The following ADGRB1 variants were observed in gnomAD, a reference collection of about 807,000 sequenced individuals.
ADGRB1 encodes the protein adhesion G protein-coupled receptor B1.
ADGRB1 carries 36 observed loss-of-function variants against 175.7 expected under a neutral mutation model. That is an observed-to-expected ratio of 0.20 (90% CI 0.16 to 0.27). The LOEUF (loss-of-function observed/expected upper bound fraction) is 0.27. Ranked by LOEUF, ADGRB1 falls within the 10% of genes least tolerant of loss-of-function variation. The pLI is 1.00. For missense variants in ADGRB1, 1,731 were observed against 2,255.3 expected (o/e 0.77, Z 4.71); for synonymous variants, 1,054 against 979.4 (o/e 1.08, Z -1.42).
chr8:142,454,668 C>T (rs1839554731), intron 1 of ADGRB1, among the ~76,000 whole-genome samples: 1 of 152,154 alleles, frequency 6.6e-6, no homozygotes, highest in South Asian at 2.1e-4. Flanking sequence ...CCAGCGCCTC[C>T]TTTCCTCATC....
rs564765288 is a variant in ADGRB1 at position 142,526,762 on chromosome 8, G to A, written c.3398+135G>A. ...AGGGACCCCGGAGCGGGTGGGAAACGGAGGCACTGAGTACAGAGGCCCCTT... is the reference window on the plus strand; with the variant it reads ...AGGGACCCCGGAGCGGGTGGGAAACAGAGGCACTGAGTACAGAGGCCCCTT... On this transcript the variant is annotated intron_variant, in intron 24 of 30. Transcript: ENST00000517894. 5.7e-5 allele frequency: 50 copies of A among 878,060 alleles called. No homozygotes were observed. The East Asian group carries it at 1.1e-3, about 19-fold the overall frequency. The allele number at this position is 878,060 out of a possible 1,614,324, so 54.4% of individuals were successfully genotyped here. A position where few individuals can be genotyped will look rare whatever the true frequency, so the allele number is the denominator to read the frequency against.
Position 142,511,288 on chromosome 8 carries a change from G to A in ADGRB1, c.2817+215G>A, listed in dbSNP as rs974521862. On this transcript the variant is annotated intron_variant, in intron 18 of 30. Transcript: ENST00000517894. The surrounding 1 kb of genome is among the most constrained non-coding windows in gnomAD (Gnocchi z 4.5). ...CGGGTGGCAGTGTGGAGTTGGAGAC[G>A]GGCCTGGGAGGAGTCGGGACCCCCG... is the stretch of plus-strand genomic sequence containing the variant. Among the ~76,000 whole-genome samples, 8 of 152,116 alleles carry A rather than the reference G, an allele frequency of 5.3e-5. No individual in the cohort carries two copies. The highest frequency in any genetic ancestry group is 2.1e-4 in the South Asian group (1 of 4,826).
intron 17 of ADGRB1, among the ~76,000 whole-genome samples, chr8:142,505,358 C>T (rs1315328198): frequency 6.6e-6 from 1 of 152,202 alleles, no homozygotes; most frequent in Non-Finnish European, 1.5e-5. Context: ...CTACCTGCCC[C>T]GGACTCAGTG....
Position 142,477,224 on chromosome 8 carries a change from T to G in ADGRB1, c.1168T>G (p.Cys390Gly). ...CGTGTCCTCCTCCTACAGCACGCAG[T>G]GCAGCGGACCCCTGCGCGAGCAGCG... ...FCVSSSYSTQ[C>G]SGPLREQRLC... Residue 390 changes from cysteine (C) to glycine (G), a missense_variant, in exon 5 of 31, where the codon TGC becomes GGC. Cys to Gly is a radical substitution (Grantham distance 159). Around this residue, in one of 8 missense-constraint regions of ADGRB1, gnomAD observed 178 missense variants for 227.8 expected, o/e 0.78. Transcript: ENST00000517894. The G allele has an allele frequency of 6.3e-7, 1 of 1,599,212 alleles. No individual in the cohort carries two copies. Among genetic ancestry groups the G allele is most frequent in the Non-Finnish European group, 8.5e-7 (1 of 1,176,882 alleles).
In ADGRB1 at chr8:142,504,980, G is replaced by C. The variant is rs758016383; in HGVS notation, c.2676-5952G>C. Reference sequence around the variant, plus strand: ...AGCCCATCAAATCCAAGGGGACCCCGACAGCGCACAGTCCCATAATAGCAC... The same window carrying C: ...AGCCCATCAAATCCAAGGGGACCCCCACAGCGCACAGTCCCATAATAGCAC... On this transcript the variant is annotated intron_variant, in intron 17 of 30. Coordinates refer to ENST00000517894, the MANE Select transcript of ADGRB1 (RefSeq NM_001702.3). The surrounding 1 kb of genome is among the most constrained non-coding windows in gnomAD (Gnocchi z 5.6). Among the ~76,000 whole-genome samples, 1 of 149,320 alleles carries C rather than the reference G, an allele frequency of 6.7e-6. No homozygotes were observed. The highest frequency in any genetic ancestry group is 2.5e-5 in the African/African-American group (1 of 40,620).
intron 1 of ADGRB1, among the ~76,000 whole-genome samples, chr8:142,456,293 A>C (rs1463420138): frequency 6.6e-6 from 1 of 152,044 alleles, no homozygotes; most frequent in African/African-American, 2.4e-5. Context: ...TGCAGACCCA[A>C]TGCTGGCAAC....
chr8:142,489,260 G>A (rs1285659929), intron 15 of ADGRB1, 76 bp from the exon 16 acceptor site: 11 of 1,571,718 alleles, frequency 7.0e-6, no homozygotes, highest in Non-Finnish European at 9.6e-6. Context: ...GGGGCCCTCG[G>A]GGGCACCTGG....
chr8:142,452,019 G>A, intron 1 of ADGRB1, among the ~76,000 whole-genome samples: 1 of 152,156 alleles, frequency 6.6e-6, no homozygotes, highest in South Asian at 2.1e-4. Flanking sequence ...GCACAGTCGG[G>A]GCCTTGGAAG....
chr8:142,498,733 C>G (rs1034780463), intron 17 of ADGRB1, among the ~76,000 whole-genome samples: 2 of 152,272 alleles, frequency 1.3e-5, no homozygotes, highest in South Asian at 2.1e-4. Flanking sequence ...TACCACTCCC[C>G]GCACACCTCC....
chr8:142,468,076 G>T (rs533776150), intron 2 of ADGRB1, among the ~76,000 whole-genome samples: 1 of 152,352 alleles, frequency 6.6e-6, no homozygotes, highest in East Asian at 1.9e-4. Flanking sequence ...ATTCATGCAA[G>T]TGTGTTGTGT....
At position 142,489,431 on chromosome 8, in the gene ADGRB1, T is replaced by C; in HGVS notation, c.2624T>C (p.Met875Thr). ...CCCTTGGAGATCGAGTTTGCCCACA[T>C]GTATAATGTGAGTGCCGTCCACGTG... Reference protein sequence around the residue: ...RTPLEIEFAHMYNGTTNQTCI... With the variant: ...RTPLEIEFAHTYNGTTNQTCI... The change falls in exon 16 of 31, where the codon ATG becomes ACG. Residue 875 changes from methionine to threonine, a missense_variant. Physicochemically the swap from Met to Thr is moderately conservative, Grantham distance 81. Transcript: ENST00000517894. 2 of 1,612,722 alleles carry C rather than the reference T, an allele frequency of 1.2e-6. No homozygotes were observed. Among genetic ancestry groups the C allele is most frequent in the South Asian group, 1.1e-5 (1 of 91,078 alleles).
Position 142,528,920 on chromosome 8 carries a change from C to T in ADGRB1, c.3398+2293C>T, listed in dbSNP as rs891092030. 3.4e-4 allele frequency among the ~76,000 whole-genome samples: 51 copies of T among 152,168 alleles called. 1 individual carries two copies. Among genetic ancestry groups the T allele is most frequent in the Admixed American group, 5.9e-4 (9 of 15,284 alleles). On this transcript the variant is annotated intron_variant, in intron 24 of 30. Transcript: ENST00000517894. ...TGGAGTGCAGCTGTGGGCTGCGCTGCGGTAGGGAAGGAGCGGTGGTCAGTC... is the reference window on the plus strand; with the variant it reads ...TGGAGTGCAGCTGTGGGCTGCGCTGTGGTAGGGAAGGAGCGGTGGTCAGTC...
At chr8:142,532,601 T>C (rs1190062790) in intron 24 of ADGRB1, among the ~76,000 whole-genome samples, 1 of 152,120 alleles carries the variant, frequency 6.6e-6, no homozygotes, top group South Asian at 2.1e-4. Flanking sequence ...CGTCTGTCTC[T>C]GTCTCTCCTC....
In ADGRB1 at chr8:142,518,036, G is replaced by A. The variant is rs1843546507; in HGVS notation, c.2818-102G>A. 6 of 1,095,538 alleles carry A rather than the reference G, an allele frequency of 5.5e-6. No individual in the cohort carries two copies. The Admixed American group carries it at 1.0e-4, about 18-fold the overall frequency. 67.9% of individuals were successfully genotyped at this position (1,095,538 alleles called of 1,614,324 possible). A position where few individuals can be genotyped will look rare whatever the true frequency, so the allele number is the denominator to read the frequency against. On this transcript the variant is annotated intron_variant, in intron 18 of 30. Transcript: ENST00000517894. ...AGGAGGGGCTGGGCCAAACGCTGGG[G>A]GTGTGACCCGGGGCTGCGGGCTCTC...
chr8:142,535,640 A>C (rs1290666838), intron 25 of ADGRB1, among the ~76,000 whole-genome samples: 1 of 152,152 alleles, frequency 6.6e-6, no homozygotes, highest in Non-Finnish European at 1.5e-5. Context: ...CAGGTGGGCA[A>C]GTCAGTCCCT....
At chr8:142,502,423 GTGGT>G (rs1563719082) in intron 17 of ADGRB1, among the ~76,000 whole-genome samples, 12 of 139,924 alleles carry the variant, frequency 8.6e-5, no homozygotes, top group South Asian at 2.5e-4. Context: ...GGTGGTGATG[GTGGT>G]GGTGGTGGTA....
chr8:142,525,331 T>C (rs1034611126), intron 23 of ADGRB1, among the ~76,000 whole-genome samples: 101 of 133,976 alleles, frequency 7.5e-4, no homozygotes, highest in African/African-American at 2.6e-3. Flanking sequence ...GGGATGGAGG[T>C]TGTGGGAAAG....
chr8:142,540,457 C>T (rs1175552980), intron 27 of ADGRB1, among the ~76,000 whole-genome samples: 3 of 139,066 alleles, frequency 2.2e-5, no homozygotes, highest in African/African-American at 8.1e-5. Flanking sequence ...GCTACAGCGC[C>T]TGGTGGATCC....
chr8:142,510,130 G>A lies in ADGRB1; in HGVS notation c.2676-802G>A, dbSNP rs1311521608. ...AGGAAGAACAGGAGGAGGAGGTTGG[G>A]GGTGGAGAGGAGGAGGAGGGGTTTG... is the stretch of plus-strand genomic sequence containing the variant. On this transcript the variant is annotated intron_variant, in intron 17 of 30. Coordinates refer to ENST00000517894, the MANE Select transcript of ADGRB1 (RefSeq NM_001702.3). The surrounding 1 kb of genome is among the most constrained non-coding windows in gnomAD (Gnocchi z 6.3). 6.6e-6 allele frequency among the ~76,000 whole-genome samples: 1 copy of A among 152,064 alleles called. No homozygotes were observed. Among genetic ancestry groups the A allele is most frequent in the African/African-American group, 2.4e-5 (1 of 41,416 alleles).
Sources: gnomAD v4.1 joint callset for allele counts (sites outside exome capture counted in the v4.1 genomes callset) on GRCh38, gnomAD v4.1.1 for gene constraint, gnomAD v4.1.1 regional missense constraint, Gnocchi (gnomAD v3.1) non-coding constraint, MANE v1.5 for transcripts, NCBI Gene and HGNC (gene_info 2026-07-23, HGNC 2026-07-21) for gene names.